SMYD3: variants seen among roughly 807,000 people sequenced by gnomAD.
SMYD3 encodes SET and MYND domain containing 3, also known as histone-lysine N-methyltransferase SMYD3.
SMYD3 carries 36 observed loss-of-function variants against 57.7 expected under a neutral mutation model. That is an observed-to-expected ratio of 0.62 (90% CI 0.48 to 0.82). SMYD3 has a LOEUF of 0.82. Ranked by LOEUF, SMYD3 falls within the 40% of genes least tolerant of loss-of-function variation. The pLI, the probability that SMYD3 is intolerant of heterozygous loss-of-function variation, is 0.00. For missense variants in SMYD3, 515 were observed against 538.8 expected, an observed-to-expected ratio of 0.96 and a Z score of 0.44; for synonymous variants, 211 against 195.0, an observed-to-expected ratio of 1.08 and a Z score of -0.68.
At chr1:246,137,440 A>G (rs1229208874) in intron 5 of SMYD3, among the ~76,000 whole-genome samples, 1 of 152,218 alleles carries the variant, frequency 6.6e-6, no homozygotes, top group Non-Finnish European at 1.5e-5. Context: ...GAATGCAGGA[A>G]GTATCAAGAC....
At position 246,192,328 on chromosome 1, in the gene SMYD3, T is replaced by C. The variant is rs150708431; in HGVS notation, c.531+134873A>G. ...AAGAAAAGAGGTTTAATTGAAGAAATTGGCAAAAAGAAAGGGGCTACAGAA... is the reference window on the plus strand; with the variant it reads ...AAGAAAAGAGGTTTAATTGAAGAAACTGGCAAAAAGAAAGGGGCTACAGAA... On this transcript the variant is annotated intron_variant, in intron 5 of 11. Transcript: ENST00000490107. 3.3e-3 allele frequency among the ~76,000 whole-genome samples: 504 copies of C among 152,268 alleles called. 3 individuals are homozygous for C. Among genetic ancestry groups the C allele is most frequent in the African/African-American group, 0.011 (460 of 41,542 alleles).
chr1:246,403,209 A>C (rs1218627814), intron 1 of SMYD3, among the ~76,000 whole-genome samples: 1 of 152,166 alleles, frequency 6.6e-6, no homozygotes, highest in Non-Finnish European at 1.5e-5. Context: ...CATAAATTAC[A>C]GTTGGCCAGG....
intron 10 of SMYD3, among the ~76,000 whole-genome samples, chr1:245,846,831 A>C (rs2050689557): frequency 6.6e-6 from 1 of 152,256 alleles, no homozygotes; most frequent in African/African-American, 2.4e-5. Flanking sequence ...AATCCAGTTT[A>C]TCTCACGTTG....
intron 5 of SMYD3, among the ~76,000 whole-genome samples, chr1:245,992,410 T>G (rs942238546): frequency 6.6e-6 from 1 of 152,260 alleles, no homozygotes; most frequent in Admixed American, 6.5e-5. Context: ...TGGGATCAGG[T>G]TGAAGCCTGA....
chr1:246,117,206 C>T (rs7553693), intron 5 of SMYD3, among the ~76,000 whole-genome samples: 24,820 of 152,068 alleles, frequency 0.16, 3,622 homozygotes, highest in African/African-American at 0.39. Context: ...AGTAGAAATC[C>T]GAATCATGTT....
intron 10 of SMYD3, among the ~76,000 whole-genome samples, chr1:245,830,052 C>G (rs2049744402): frequency 6.6e-6 from 1 of 152,042 alleles, no homozygotes; most frequent in South Asian, 2.1e-4. Flanking sequence ...GATTGCAGAA[C>G]TCTGTAAATA....
At chr1:246,453,924 G>A (rs2067666022) in intron 1 of SMYD3, among the ~76,000 whole-genome samples, 1 of 152,186 alleles carries the variant, frequency 6.6e-6, no homozygotes, top group Non-Finnish European at 1.5e-5. Flanking sequence ...AAGCACTGAA[G>A]TTGGGTGAGG....
At chr1:246,367,108 G>A (rs902641693) in intron 1 of SMYD3, among the ~76,000 whole-genome samples, 1 of 152,126 alleles carries the variant, frequency 6.6e-6, no homozygotes, top group Non-Finnish European at 1.5e-5. Context: ...AAGAAATAGT[G>A]AATGGAAGTT....
rs1481994714 is a variant in SMYD3 at position 246,363,240 on chromosome 1, G to A, written c.165-8146C>T. Among the ~76,000 whole-genome samples the A allele has an allele frequency of 1.6e-4, 24 of 151,918 alleles. 1 individual carries two copies. The highest frequency in any genetic ancestry group is 4.8e-4 in the African/African-American group (20 of 41,416). On this transcript the variant is annotated intron_variant, in intron 1 of 11. Transcript: ENST00000490107. ...TCTCCGCCCGGCAGCCACCCCGTCC[G>A]GGAGGGAGGTGGGGGTTAGCCCCCG...
chr1:246,382,142 C>T (rs1460585576), intron 1 of SMYD3, among the ~76,000 whole-genome samples: 1 of 149,948 alleles, frequency 6.7e-6, no homozygotes, highest in African/African-American at 2.5e-5. Context: ...AGGCCAACCG[C>T]AGGCTCCGGG....
At chr1:245,872,023 C>T (rs547820766) in intron 8 of SMYD3, among the ~76,000 whole-genome samples, 1 of 152,322 alleles carries the variant, frequency 6.6e-6, no homozygotes, top group East Asian at 1.9e-4. Context: ...AAGCAAACTT[C>T]TCTGATCCAC....
At chr1:246,228,250 G>A (rs1032520039) in intron 5 of SMYD3, among the ~76,000 whole-genome samples, 6 of 152,188 alleles carry the variant, frequency 3.9e-5, no homozygotes, top group African/African-American at 4.8e-5. Flanking sequence ...GATTGCAGAC[G>A]TGAGCCACTG....
chr1:246,290,341 C>G (rs190710233), intron 5 of SMYD3, among the ~76,000 whole-genome samples: 1 of 152,100 alleles, frequency 6.6e-6, no homozygotes, highest in Non-Finnish European at 1.5e-5. Flanking sequence ...AGTTACTGTT[C>G]TCATTTCACT....
intron 5 of SMYD3, among the ~76,000 whole-genome samples, chr1:246,222,613 T>G (rs929370740): frequency 6.6e-6 from 1 of 152,182 alleles, no homozygotes; most frequent in African/African-American, 2.4e-5. Flanking sequence ...CCTTAATTTA[T>G]GAAATCCTCC....
At chr1:246,118,487 A>G (rs1260489155) in intron 5 of SMYD3, among the ~76,000 whole-genome samples, 1 of 152,210 alleles carries the variant, frequency 6.6e-6, no homozygotes, top group Non-Finnish European at 1.5e-5. Context: ...CTGCACCCCA[A>G]TGATCCAAAT....
At chr1:246,393,064 A>G (rs559253681) in intron 1 of SMYD3, among the ~76,000 whole-genome samples, 3 of 152,304 alleles carry the variant, frequency 2.0e-5, no homozygotes, top group Non-Finnish European at 2.9e-5. Flanking sequence ...CTTAGGAAAC[A>G]ACCTGGTAGT....
At chr1:246,114,844 C>A (rs1251238126) in intron 5 of SMYD3, among the ~76,000 whole-genome samples, 1 of 152,088 alleles carries the variant, frequency 6.6e-6, no homozygotes, top group African/African-American at 2.4e-5. Context: ...GTTGGCCAGG[C>A]TGGTCTCGAT....
intron 5 of SMYD3, among the ~76,000 whole-genome samples, chr1:246,102,108 T>A (rs112273691): frequency 6.6e-6 from 1 of 152,150 alleles, no homozygotes; most frequent in Non-Finnish European, 1.5e-5. Context: ...GCTGAACTCA[T>A]CATCCTTCTT....
intron 6 of SMYD3, 54 bp from the exon 7 acceptor site, chr1:245,928,087 A>G: frequency 7.0e-7 from 1 of 1,437,142 alleles, no homozygotes; most frequent in Non-Finnish European, 9.7e-7. Flanking sequence ...GAGTCAACTA[A>G]ATTTAACAAA....
Sources: gnomAD v4.1 joint callset for allele counts (sites outside exome capture counted in the v4.1 genomes callset) on GRCh38, gnomAD v4.1.1 for gene constraint, MANE v1.5 for transcripts, NCBI Gene and HGNC (gene_info 2026-07-23, HGNC 2026-07-21) for gene names.